Variants in TMEM156 observed in about 807,000 individuals in gnomAD.
TMEM156 encodes transmembrane protein 156.
TMEM156 carries 28 observed loss-of-function variants against 30.5 expected under a neutral mutation model. That is an observed-to-expected ratio of 0.92 (90% CI 0.68 to 1.26). TMEM156 has a LOEUF of 1.26. Among genes scored for constraint, TMEM156 ranks in the 50% most tolerant of loss-of-function variants. TMEM156 has a pLI of 0.00. For missense variants in TMEM156, 351 were observed against 340.6 expected (o/e 1.03, Z -0.24); for synonymous variants, 137 against 119.9 (o/e 1.14, Z -0.93).
rs1036560515 is a variant in TMEM156, at chr4:38,994,539, T to G, written c.359-541A>C. Among the ~76,000 whole-genome samples the G allele has an allele frequency of 3.9e-5, 6 of 152,340 alleles. 1 individual carries two copies. The South Asian group carries it at 1.2e-3, about 32-fold the overall frequency. On this transcript the variant is annotated intron_variant, in intron 2 of 6. Coordinates refer to ENST00000381938, the MANE Select transcript of TMEM156 (RefSeq NM_024943.3). The stretch of plus-strand genomic sequence containing the variant: ...AAAATACACACATTTCCCCAGTGAC[T>G]TGTGGGACAGACTGTATTGTGTGAC...
chr4:38,994,120 A>C, intron 2 of TMEM156, 122 bp from the exon 3 acceptor site: 1 of 873,446 alleles, frequency 1.1e-6, no homozygotes, highest in Non-Finnish European at 1.7e-6. Flanking sequence ...AGTTTCCTAC[A>C]CTAAAAATAT....
At chr4:39,008,406 G>A (rs557511485) in intron 1 of TMEM156, among the ~76,000 whole-genome samples, 2 of 152,082 alleles carry the variant, frequency 1.3e-5, no homozygotes, top group South Asian at 2.1e-4. Flanking sequence ...TGTTAATGTA[G>A]TGAATTACAT....
intron 1 of TMEM156, among the ~76,000 whole-genome samples, chr4:39,005,009 A>G (rs1328591157): frequency 6.6e-6 from 1 of 152,232 alleles, no homozygotes; most frequent in Non-Finnish European, 1.5e-5. Flanking sequence ...GAATATATAA[A>G]CAACTCTTGC....
At chr4:39,013,209 G>C (rs1714239766) in intron 1 of TMEM156, among the ~76,000 whole-genome samples, 1 of 151,264 alleles carries the variant, frequency 6.6e-6, no homozygotes, top group Admixed American at 6.6e-5. Context: ...ACTGAGGTGG[G>C]AGGATGGTTT....
chr4:39,026,535 AT>A (rs1005846964), intron 1 of TMEM156, among the ~76,000 whole-genome samples: 2 of 152,098 alleles, frequency 1.3e-5, no homozygotes, highest in South Asian at 2.1e-4. Context: ...TATTTAACAC[AT>A]TTTTTTGCCA....
Position 39,023,770 on chromosome 4 carries a change from C to T in TMEM156, c.88+8456G>A, listed in dbSNP as rs575938550. 2.6e-5 allele frequency among the ~76,000 whole-genome samples: 4 copies of T among 152,282 alleles called. No homozygotes were observed. In the South Asian group the frequency reaches 6.2e-4, roughly 24 times the overall value. On this transcript the variant is annotated intron_variant, in intron 1 of 6. Transcript: ENST00000381938. ...GCAGGAGGCTGAGGCAGGAGAATCA[C>T]TTGAACCCAGGACGCAGAGGTTGCA...
At chr4:39,018,081 T>G (rs1259758007) in intron 1 of TMEM156, among the ~76,000 whole-genome samples, 1 of 152,200 alleles carries the variant, frequency 6.6e-6, no homozygotes, top group Non-Finnish European at 1.5e-5. Context: ...TTCTGGCTGT[T>G]AAATTGATTC....
chr4:38,977,723 T>C (rs1459995889), intron 5 of TMEM156, among the ~76,000 whole-genome samples: 1 of 152,130 alleles, frequency 6.6e-6, no homozygotes, highest in Non-Finnish European at 1.5e-5. Context: ...CTATGACTTC[T>C]TTTCAGAAAC....
At chr4:39,002,841 A>G (rs1427991138) in intron 1 of TMEM156, among the ~76,000 whole-genome samples, 4 of 150,016 alleles carry the variant, frequency 2.7e-5, no homozygotes, top group Non-Finnish European at 5.9e-5. Flanking sequence ...CAATGAGAAC[A>G]CATGGACACA....
chr4:38,977,933 T>C (rs938992092), intron 5 of TMEM156, among the ~76,000 whole-genome samples: 6 of 152,234 alleles, frequency 3.9e-5, no homozygotes, highest in African/African-American at 7.2e-5. Context: ...TTTCTTCTTT[T>C]AGATAAAGAT....
intron 1 of TMEM156, among the ~76,000 whole-genome samples, chr4:39,005,723 G>A (rs1424326299): frequency 2.0e-5 from 3 of 152,148 alleles, no homozygotes; most frequent in Non-Finnish European, 4.4e-5. Flanking sequence ...TAAATTATAT[G>A]TCTGTGAAGT....
chr4:39,023,385 T>C (rs557360321), intron 1 of TMEM156, among the ~76,000 whole-genome samples: 2 of 152,330 alleles, frequency 1.3e-5, no homozygotes, highest in South Asian at 4.1e-4. Context: ...ATTTGTACAA[T>C]AATGTTCATA....
intron 5 of TMEM156, among the ~76,000 whole-genome samples, chr4:38,974,971 T>C (rs2109867780): frequency 6.6e-6 from 1 of 152,098 alleles, no homozygotes; most frequent in Admixed American, 6.5e-5. Flanking sequence ...CCGCGCCTGA[T>C]CTGAAGATTT....
intron 5 of TMEM156, among the ~76,000 whole-genome samples, chr4:38,973,503 GT>G (rs1304206588): frequency 2.6e-5 from 4 of 151,968 alleles, no homozygotes; most frequent in Non-Finnish European, 4.4e-5. Context: ...ACTGGTTATT[GT>G]TTAAGTAGGT....
intron 1 of TMEM156, among the ~76,000 whole-genome samples, chr4:39,019,068 T>C (rs1179948346): frequency 6.6e-6 from 1 of 151,352 alleles, no homozygotes. Flanking sequence ...GTTTTCATGC[T>C]CTGCAGAATT....
intron 5 of TMEM156, among the ~76,000 whole-genome samples, chr4:38,977,761 A>T (rs1001597102): frequency 6.6e-6 from 1 of 152,228 alleles, no homozygotes; most frequent in African/African-American, 2.4e-5. Context: ...AAATTTTTTT[A>T]AATCCCAGTC....
In TMEM156 at chr4:38,986,618, C is replaced by T. The variant is rs190037129; in HGVS notation, c.740-199G>A. 3.3e-4 allele frequency among the ~76,000 whole-genome samples: 50 copies of T among 151,620 alleles called. 1 individual carries two copies. In the East Asian group the frequency reaches 8.0e-3, roughly 24 times the overall value. ...AGTCAGGAGTTCGAACCCAGCCTGG[C>T]CAATATGGTGAAACCCCATCTCTAC... On this transcript the variant is annotated intron_variant, in intron 4 of 6. Transcript: ENST00000381938.
intron 1 of TMEM156, among the ~76,000 whole-genome samples, chr4:39,010,405 C>A (rs1483541401): frequency 1.3e-5 from 2 of 152,030 alleles, no homozygotes; most frequent in African/African-American, 4.8e-5. Flanking sequence ...TTCTAAAATT[C>A]ATATGAACCA....
intron 1 of TMEM156, among the ~76,000 whole-genome samples, chr4:39,025,091 G>A (rs1229612914): frequency 1.3e-5 from 2 of 152,058 alleles, no homozygotes; most frequent in Non-Finnish European, 2.9e-5. Flanking sequence ...GCTCATGCCT[G>A]TAATCCCAGC....
Sources: gnomAD v4.1 joint callset for allele counts (sites outside exome capture counted in the v4.1 genomes callset) on GRCh38, gnomAD v4.1.1 for gene constraint, MANE v1.5 for transcripts, NCBI Gene and HGNC (gene_info 2026-07-23, HGNC 2026-07-21) for gene names.